Variants in PLCL1 observed in about 807,000 individuals in gnomAD.
PLCL1 encodes phospholipase C like 1 (inactive).
PLCL1 carries 41 observed loss-of-function variants against 84.4 expected under a neutral mutation model. The observed-to-expected ratio is 0.49, with a 90% CI of 0.38 to 0.63. The LOEUF is 0.63. Among genes scored for constraint, PLCL1 ranks in the 30% least tolerant of loss-of-function variants. The pLI is 0.00. For missense variants in PLCL1, 1,206 were observed against 1,367.8 expected, an observed-to-expected ratio of 0.88 and a Z score of 1.87; for synonymous variants, 490 against 488.3, an observed-to-expected ratio of 1.00 and a Z score of -0.05.
At chr2:198,013,514 C>A (rs768185338) in intron 1 of PLCL1, among the ~76,000 whole-genome samples, 3 of 151,994 alleles carry the variant, frequency 2.0e-5, no homozygotes, top group Admixed American at 6.6e-5. Context: ...TGTCTATGTA[C>A]CATGCTGATT....
chr2:197,908,946 T>A (rs1255989596), intron 1 of PLCL1, among the ~76,000 whole-genome samples: 1 of 152,222 alleles, frequency 6.6e-6, no homozygotes, highest in Non-Finnish European at 1.5e-5. Context: ...GTTTCAAGAT[T>A]GATGATAATG....
At chr2:197,815,864 T>C (rs1690676636) in intron 1 of PLCL1, among the ~76,000 whole-genome samples, 1 of 152,040 alleles carries the variant, frequency 6.6e-6, no homozygotes, top group Non-Finnish European at 1.5e-5. Context: ...ATGATAAAAA[T>C]TGAATGGATG....
chr2:197,954,584 T>A (rs77049811), intron 1 of PLCL1, among the ~76,000 whole-genome samples: 3,508 of 152,204 alleles, frequency 0.023, 158 homozygotes, highest in African/African-American at 0.077. Context: ...GATGGCATCA[T>A]GTAATGCGTG....
chr2:198,094,147 C>T (rs552814760), intron 3 of PLCL1, among the ~76,000 whole-genome samples: 2 of 152,150 alleles, frequency 1.3e-5, no homozygotes, highest in Non-Finnish European at 2.9e-5. Context: ...CTGCAAGCTC[C>T]GCCTCCTGGG....
chr2:197,955,675 G>A (rs1248641172), intron 1 of PLCL1, among the ~76,000 whole-genome samples: 3 of 151,880 alleles, frequency 2.0e-5, no homozygotes, highest in Non-Finnish European at 4.4e-5. Context: ...TGCTGAGGAT[G>A]ATGGCTTCCA....
intron 1 of PLCL1, among the ~76,000 whole-genome samples, chr2:198,017,662 G>T (rs984637193): frequency 2.6e-5 from 4 of 152,198 alleles, no homozygotes; most frequent in African/African-American, 9.7e-5. Context: ...AGCTCTAAGA[G>T]AATCTCTGCT....
intron 1 of PLCL1, among the ~76,000 whole-genome samples, chr2:197,933,847 A>T (rs1667938859): frequency 6.6e-6 from 1 of 152,188 alleles, no homozygotes; most frequent in African/African-American, 2.4e-5. Flanking sequence ...GGCCTCTATA[A>T]TAATTTTGTA....
In PLCL1 at chr2:198,101,385, TG is replaced by T. The variant is rs760137996; in HGVS notation, c.2995+26del. ...GGTAATTGTTTTTAATTTTTTTTTC[TG>T]TTTTTTTTTTCTATTTTGTTTGGAA... is the stretch of plus-strand genomic sequence containing the variant. On this transcript the variant is annotated intron_variant, in intron 4 of 5. Coordinates refer to ENST00000428675, the MANE Select transcript of PLCL1 (RefSeq NM_006226.4). The T allele has an allele frequency of 2.3e-6, 3 of 1,295,620 alleles. No homozygotes were observed. The South Asian group carries it at 3.9e-5, about 17-fold the overall frequency. 80.3% of individuals were successfully genotyped at this position (1,295,620 alleles called of 1,614,324 possible).
Position 198,085,201 on chromosome 2 carries a change from G to A in PLCL1, c.1684G>A (p.Ala562Thr). The A allele has an allele frequency of 6.2e-7, 1 of 1,613,928 alleles. No individual in the cohort carries two copies. Among genetic ancestry groups the A allele is most frequent in the East Asian group, 2.2e-5 (1 of 44,874 alleles). The change falls in exon 2 of 6, where the codon GCT becomes ACT. Residue 562 changes from alanine to threonine, a missense_variant. By Grantham distance (58) the Ala-to-Thr change is moderately conservative. Transcript: ENST00000428675. The surrounding 1 kb of genome is among the most constrained non-coding windows in gnomAD (Gnocchi z 5.3). ...AGAAGTAACAGATGAAGATGAAGAA[G>A]CTGAAATGTCTCGAAGGATGTCGGT... ...EGEVTDEDEE[A>T]EMSRRMSVDY...
In PLCL1 at chr2:198,085,628, T is replaced by C; in HGVS notation, c.2111T>C (p.Val704Ala). ...VLRPSIMRDEVSYFSANTKGI... is the reference protein window; with the variant it reads ...VLRPSIMRDEASYFSANTKGI... ...AGGCCGTCTATAATGCGAGATGAAG[T>C]TTCTTACTTCAGCGCAAATACAAAG... Residue 704 changes from valine to alanine, a missense_variant, in exon 2 of 6, where the codon GTT (valine) becomes GCT (alanine). Transcript: ENST00000428675. The surrounding 1 kb of genome is among the most constrained non-coding windows in gnomAD (Gnocchi z 5.3). 1.2e-6 allele frequency: 2 copies of C among 1,614,014 alleles called. No individual in the cohort carries two copies.
chr2:198,132,337 C>T (rs561754621), intron 5 of PLCL1, among the ~76,000 whole-genome samples: 5 of 152,136 alleles, frequency 3.3e-5, no homozygotes, highest in East Asian at 3.9e-4. Context: ...TCAAGGTCAG[C>T]GTGGGGCTGT....
intron 1 of PLCL1, among the ~76,000 whole-genome samples, chr2:198,079,970 T>C (rs1412827203): frequency 1.3e-5 from 2 of 152,228 alleles, no homozygotes; most frequent in Non-Finnish European, 2.9e-5. Flanking sequence ...AGACTTTGGT[T>C]GTGGGGCAGG....
chr2:198,124,212 T>C (rs1693935919), intron 5 of PLCL1, among the ~76,000 whole-genome samples: 1 of 152,096 alleles, frequency 6.6e-6, no homozygotes, highest in African/African-American at 2.4e-5. Flanking sequence ...GATAGGACAG[T>C]CTCCTTAACC....
At chr2:197,960,870 T>C (rs1689606749) in intron 1 of PLCL1, among the ~76,000 whole-genome samples, 1 of 152,144 alleles carries the variant, frequency 6.6e-6, no homozygotes, top group South Asian at 2.1e-4. Context: ...AGCATTATTA[T>C]GGTTTCTCTA....
chr2:197,851,704 C>T (rs1045886145), intron 1 of PLCL1, among the ~76,000 whole-genome samples: 1 of 152,178 alleles, frequency 6.6e-6, no homozygotes, highest in East Asian at 1.9e-4. Flanking sequence ...TCTCTTACCC[C>T]TCACCTGCAG....
At chr2:197,892,773 TCA>T (rs758416831) in intron 1 of PLCL1, among the ~76,000 whole-genome samples, 4 of 152,130 alleles carry the variant, frequency 2.6e-5, no homozygotes, top group African/African-American at 4.8e-5. Context: ...GGTGGGCGGA[TCA>T]CGAGGTCAGG....
chr2:198,041,788 G>T (rs1414468910), intron 1 of PLCL1, among the ~76,000 whole-genome samples: 2 of 152,214 alleles, frequency 1.3e-5, no homozygotes, highest in Non-Finnish European at 2.9e-5. Flanking sequence ...AATAGGACTG[G>T]TAAGTGGAGG....
chr2:197,995,903 G>A (rs1204532730), intron 1 of PLCL1, among the ~76,000 whole-genome samples: 2 of 152,204 alleles, frequency 1.3e-5, no homozygotes, highest in Non-Finnish European at 2.9e-5. Flanking sequence ...GTCATCTTAT[G>A]AGAGTTGAAA....
intron 1 of PLCL1, among the ~76,000 whole-genome samples, chr2:198,031,347 A>G (rs10166845): frequency 0.48 from 73,435 of 151,872 alleles, 18,129 homozygotes; most frequent in Middle Eastern, 0.63. Flanking sequence ...TAGCCTGGGC[A>G]ACAGAGCAAG....
Sources: gnomAD v4.1 joint callset for allele counts (sites outside exome capture counted in the v4.1 genomes callset) on GRCh38, gnomAD v4.1.1 for gene constraint, Gnocchi (gnomAD v3.1) non-coding constraint, MANE v1.5 for transcripts, NCBI Gene and HGNC (gene_info 2026-07-23, HGNC 2026-07-21) for gene names.